LRP5: variants seen among roughly 807,000 people sequenced by gnomAD.
LRP5 encodes low-density lipoprotein receptor-related protein 5.
In LRP5, 62 loss-of-function variants were observed where a neutral mutation model predicts 154.1. That is an observed-to-expected ratio of 0.40 (90% CI 0.33 to 0.50). The LOEUF is 0.50. LRP5 is among the 20% of genes least tolerant of loss of function. The probability of loss-of-function intolerance (pLI) is 0.55; values close to 1 mark genes in which losing one functional copy is unlikely to be tolerated. For missense variants in LRP5, 1,915 were observed against 2,336.7 expected (o/e 0.82, Z 3.72); for synonymous variants, 966 against 1,011.5 (o/e 0.96, Z 0.85).
chr11:68,383,917 T>G (rs2098641589), intron 5 of LRP5, among the ~76,000 whole-genome samples: 1 of 152,116 alleles, frequency 6.6e-6, no homozygotes, highest in South Asian at 2.1e-4. Context: ...GGAGAAAATT[T>G]GTTGAAATTC....
At chr11:68,374,436 A>G (rs1328349702) in intron 5 of LRP5, among the ~76,000 whole-genome samples, 1 of 152,230 alleles carries the variant, frequency 6.6e-6, no homozygotes, top group Non-Finnish European at 1.5e-5. Context: ...GTTCTCAGCC[A>G]TGGACCGTGA....
intron 5 of LRP5, among the ~76,000 whole-genome samples, chr11:68,379,417 C>A (rs1050730954): frequency 6.6e-6 from 1 of 152,172 alleles, no homozygotes; most frequent in Non-Finnish European, 1.5e-5. Flanking sequence ...CTGGGGTCCG[C>A]GGTTCCCGGG....
intron 9 of LRP5, among the ~76,000 whole-genome samples, chr11:68,408,287 A>G (rs912418768): frequency 4.4e-5 from 5 of 113,042 alleles, no homozygotes; most frequent in African/African-American, 1.7e-4. Context: ...GGGTTTCCGC[A>G]TGTTGCCCAG....
intron 21 of LRP5, 57 bp downstream of exon 21, chr11:68,439,973 C>T (rs997278047): frequency 6.0e-5 from 87 of 1,454,160 alleles, no homozygotes; most frequent in Non-Finnish European, 7.3e-5. Flanking sequence ...CCCCTCCCAC[C>T]GTCAGTGCTG....
chr11:68,410,047 T>G lies in LRP5; in HGVS notation c.2225T>G (p.Ile742Ser), dbSNP rs1353681974. The part of the protein sequence containing the change: ...LYWADTGTNR[I>S]EVARLDGQFR... ...TGGGCCGACACTGGGACCAACAGAA[T>G]CGAAGTGGCGCGGCTGGACGGGCAG... Residue 742 changes from isoleucine (I) to serine (S), a missense_variant, in exon 10 of 23, where the codon ATC (isoleucine) becomes AGC (serine). By Grantham distance (142) the Ile-to-Ser change is moderately radical. Transcript: ENST00000294304. The G allele has an allele frequency of 6.2e-7, 1 of 1,613,818 alleles. No individual in the cohort carries two copies.
At chr11:68,436,776 AG>A in intron 18 of LRP5, 112 bp from the exon 19 acceptor site, 1 of 755,796 alleles carries the variant, frequency 1.3e-6, no homozygotes, top group Admixed American at 1.9e-5. Flanking sequence ...GGTCCTAGAA[AG>A]GGTCCCATCT....
intron 1 of LRP5, among the ~76,000 whole-genome samples, chr11:68,317,069 C>T (rs1393144563): frequency 6.6e-5 from 10 of 152,326 alleles, no homozygotes; most frequent in African/African-American, 1.4e-4. Flanking sequence ...TGTGCCAGGC[C>T]GCCCTGGAGG....
rs766732438 is a variant in LRP5, at chr11:68,433,714, G to C, written c.3876G>C (p.Glu1292Asp). ...GFPECDDQSD[E>D]EGCPVCSAAQ... is the part of the protein sequence containing the mutation. ...CCGAGTGCGATGACCAGAGCGACGA[G>C]GAGGGCTGCCCCGTGTGCTCCGCCG... The change falls in exon 18 of 23, where the codon GAG becomes GAC. Residue 1292 changes from glutamate to aspartate, a missense_variant. Glu to Asp is a conservative substitution (Grantham distance 45). Around this residue, in one of 3 missense-constraint regions of LRP5, gnomAD observed 1,094 missense variants for 1,210.1 expected, o/e 0.90. Transcript: ENST00000294304. 6.2e-7 allele frequency: 1 copy of C among 1,613,084 alleles called. No homozygotes were observed. Among genetic ancestry groups the C allele is most frequent in the Non-Finnish European group, 8.5e-7 (1 of 1,179,948 alleles).
At chr11:68,417,085 C>T (rs541035408) in intron 13 of LRP5, among the ~76,000 whole-genome samples, 1 of 152,348 alleles carries the variant, frequency 6.6e-6, no homozygotes, top group East Asian at 1.9e-4. Flanking sequence ...CAATACTGTG[C>T]ATTCGTAAAC....
At chr11:68,405,981 T>C (rs959159721) in intron 8 of LRP5, among the ~76,000 whole-genome samples, 47 of 152,382 alleles carry the variant, frequency 3.1e-4, no homozygotes, top group African/African-American at 4.8e-4. Context: ...GCTGGACCAC[T>C]GGGCTGGCAC....
chr11:68,358,985 C>T (rs1002044509), intron 3 of LRP5, among the ~76,000 whole-genome samples: 20 of 152,360 alleles, frequency 1.3e-4, no homozygotes, highest in African/African-American at 4.3e-4. Flanking sequence ...TGGATTTCTG[C>T]AAACACAGGC....
intron 1 of LRP5, among the ~76,000 whole-genome samples, chr11:68,323,525 C>T (rs534527551): frequency 2.7e-4 from 41 of 150,166 alleles, no homozygotes; most frequent in Admixed American, 2.0e-4. Flanking sequence ...GTGGTTCTCC[C>T]GCCTCAGCCT....
At chr11:68,329,922 T>C (rs2098601783) in intron 1 of LRP5, among the ~76,000 whole-genome samples, 1 of 152,198 alleles carries the variant, frequency 6.6e-6, no homozygotes. Flanking sequence ...AAAATAAGAA[T>C]GTTAGTAATG....
intron 12 of LRP5, 111 bp from the exon 13 acceptor site, chr11:68,416,217 C>G: frequency 1.1e-6 from 1 of 898,886 alleles, no homozygotes; most frequent in Non-Finnish European, 1.8e-6. Context: ...CCGTGGACCT[C>G]CAGCGGGGCA....
At chr11:68,344,554 A>G (rs1272047638) in intron 1 of LRP5, among the ~76,000 whole-genome samples, 1 of 152,042 alleles carries the variant, frequency 6.6e-6, no homozygotes, top group African/African-American at 2.4e-5. Context: ...TCCTGGCCTT[A>G]AGTGATCTGC....
At chr11:68,418,393 C>T (rs967767493) in intron 13 of LRP5, among the ~76,000 whole-genome samples, 6 of 151,240 alleles carry the variant, frequency 4.0e-5, no homozygotes, top group East Asian at 1.9e-4. Context: ...CAGAGCGAGA[C>T]GCCATCTCAA....
Position 68,386,327 on chromosome 11 carries a change from G to T in LRP5, c.1027G>T (p.Val343Leu), listed in dbSNP as rs761479086. 1.2e-6 allele frequency: 2 copies of T among 1,612,390 alleles called. No homozygotes were observed. The highest frequency in any genetic ancestry group is 1.3e-5 in the African/African-American group (1 of 74,928). The change falls in exon 6 of 23, where the codon GTG becomes TTG. Residue 343 changes from valine (V) to leucine (L), a missense_variant. By Grantham distance (32) the Val-to-Leu change is conservative. Transcript: ENST00000294304. The surrounding 1 kb of genome is among the most constrained non-coding windows in gnomAD (Gnocchi z 7.9). ...ACCTGTCTCCACAGGAGCCGAGGAG[G>T]TGCTGCTGCTGGCCCGGCGGACGGA... ...GRTCKAGAEE[V>L]LLLARRTDLR...
chr11:68,403,398 C>A, intron 7 of LRP5, 85 bp from the exon 8 acceptor site: 1 of 1,194,090 alleles, frequency 8.4e-7, no homozygotes, highest in Non-Finnish European at 1.2e-6. Flanking sequence ...TTGTTTGGGG[C>A]AGCTCAGGCC....
In LRP5 at chr11:68,365,275, A is replaced by AG. The variant is rs71043426; in HGVS notation, c.884-295dup. 1 allele frequency among the ~76,000 whole-genome samples: 152,109 copies of AG among 152,110 alleles called. 76,054 individuals carry two copies. Among genetic ancestry groups the AG allele is most frequent in the Non-Finnish European group, 1 (68,012 of 68,012 alleles). On this transcript the variant is annotated intron_variant, in intron 4 of 22. Coordinates refer to ENST00000294304, the MANE Select transcript of LRP5 (RefSeq NM_002335.4). ...GCTTGGTGGGAGGAAGCAGATGGGG[A>AG]GATGTCACTCCATGGGCAGGTCACA...
Sources: gnomAD v4.1 joint callset for allele counts (sites outside exome capture counted in the v4.1 genomes callset) on GRCh38, gnomAD v4.1.1 for gene constraint, gnomAD v4.1.1 regional missense constraint, Gnocchi (gnomAD v3.1) non-coding constraint, MANE v1.5 for transcripts, NCBI Gene and HGNC (gene_info 2026-07-23, HGNC 2026-07-21) for gene names.